Variants in PRDM16 observed in about 807,000 individuals in gnomAD.
PRDM16 encodes PR/SET domain 16, also known as histone-lysine N-methyltransferase PRDM16.
A neutral mutation model predicts 110.6 loss-of-function variants in PRDM16; 23 were observed. The observed-to-expected ratio is 0.21, with a 90% CI of 0.15 to 0.29. The LOEUF is 0.29. PRDM16 is among the 10% of genes least tolerant of loss of function. PRDM16 has a pLI of 1.00. For synonymous variants in PRDM16, 799 were observed against 781.8 expected (o/e 1.02, Z -0.37); for missense variants, 1,615 against 1,794.3 (o/e 0.90, Z 1.81).
intron 3 of PRDM16, among the ~76,000 whole-genome samples, chr1:3,381,757 G>A (rs757321111): frequency 9.2e-5 from 14 of 152,300 alleles, no homozygotes; most frequent in East Asian, 1.9e-4. Context: ...GGTCACTCAC[G>A]CGTCATTTAC....
intron 3 of PRDM16, among the ~76,000 whole-genome samples, chr1:3,355,046 C>G (rs945829719): frequency 6.6e-6 from 1 of 152,184 alleles, no homozygotes; most frequent in African/African-American, 2.4e-5. Context: ...CCCACCGGGA[C>G]AAAGCCAGGA....
Position 3,186,477 on chromosome 1 carries a change from G to A in PRDM16, c.387+3G>A, listed in dbSNP as rs2100798319. The A allele has an allele frequency of 6.7e-7, 1 of 1,497,142 alleles. No homozygotes were observed. The highest frequency in any genetic ancestry group is 9.0e-7 in the Non-Finnish European group (1 of 1,112,840). 92.7% of individuals were successfully genotyped at this position (1,497,142 alleles called of 1,614,324 possible). On this transcript the variant is annotated splice_donor_region_variant and intron_variant, in intron 2 of 16. Coordinates refer to ENST00000270722, the MANE Select transcript of PRDM16 (RefSeq NM_022114.4). ...AGGAGACAGACTTCGGATGGGAGGT[G>A]AGCGATCGCGCCTGAGTATGATTGA...
chr1:3,412,225 G>A lies in PRDM16; in HGVS notation c.2028G>A (p.Pro676=), dbSNP rs374816891. 55 of 1,607,544 alleles carry A rather than the reference G, an allele frequency of 3.4e-5. No homozygotes were observed. The highest frequency in any genetic ancestry group is 1.6e-4 in the African/African-American group (12 of 74,838). The change falls in exon 9 of 17, where the codon CCG becomes CCA. Residue 676 remains proline (P), a synonymous_variant. Transcript: ENST00000270722. Reference sequence around the variant, plus strand: ...TCTATTCCCAGCACTCATTCTTCCCGCCACCCGACGAGCAGCTGCTGACTG... The same window carrying A: ...TCTATTCCCAGCACTCATTCTTCCCACCACCCGACGAGCAGCTGCTGACTG... ...PVFYSQHSFF[P]PPDEQLLTAT... is the part of the protein sequence containing the mutation.
chr1:3,111,727 G>A (rs998934357), intron 1 of PRDM16, among the ~76,000 whole-genome samples: 1 of 152,112 alleles, frequency 6.6e-6, no homozygotes, highest in South Asian at 2.1e-4. Flanking sequence ...TGTCAGCCCC[G>A]CTGTCAGAGG....
Position 3,157,201 on chromosome 1 carries a change from C to CCGG in PRDM16, c.38-28921_38-28919dup, listed in dbSNP as rs1296147341. Reference sequence around the variant, plus strand: ...GGAGGGCCGCTCGGCAACCGCTGAGCCGGCGCAAGAGCTCAGGCCCTCAGG... The same window carrying CCGG: ...GGAGGGCCGCTCGGCAACCGCTGAGCCGGCGGCGCAAGAGCTCAGGCCCTCAGG... On this transcript the variant is annotated intron_variant, in intron 1 of 16. Coordinates refer to ENST00000270722, the MANE Select transcript of PRDM16 (RefSeq NM_022114.4). This position sits in a 1 kb window ranked among gnomAD's most constrained non-coding sequence, Gnocchi z 4.8. Among the ~76,000 whole-genome samples, 1 of 152,136 alleles carries CCGG rather than the reference C, an allele frequency of 6.6e-6. No individual in the cohort carries two copies. Among genetic ancestry groups the CCGG allele is most frequent in the African/African-American group, 2.4e-5 (1 of 41,430 alleles).
At chr1:3,154,673 G>A (rs1643832362) in intron 1 of PRDM16, among the ~76,000 whole-genome samples, 1 of 152,140 alleles carries the variant, frequency 6.6e-6, no homozygotes, top group Admixed American at 6.5e-5. Context: ...CTGCACTGGC[G>A]AGGAGACCTT....
chr1:3,108,705 C>G (rs546671384), intron 1 of PRDM16, among the ~76,000 whole-genome samples: 1 of 152,146 alleles, frequency 6.6e-6, no homozygotes, highest in Non-Finnish European at 1.5e-5. Flanking sequence ...TCAAGAAGGC[C>G]GAGTGGCCCT....
At chr1:3,417,739 T>C in intron 10 of PRDM16, 89 bp from the exon 11 acceptor site, 3 of 1,116,264 alleles carry the variant, frequency 2.7e-6, no homozygotes, top group East Asian at 2.4e-5. Context: ...CCCTAAGATA[T>C]GCTGTTGTAC....
At chr1:3,343,186 C>G (rs1016018737) in intron 3 of PRDM16, among the ~76,000 whole-genome samples, 7 of 149,412 alleles carry the variant, frequency 4.7e-5, no homozygotes, top group African/African-American at 1.7e-4. Context: ...ACATTATAAC[C>G]GTTTGAGTGA....
intron 3 of PRDM16, among the ~76,000 whole-genome samples, chr1:3,311,009 G>T (rs1641445404): frequency 6.6e-6 from 1 of 152,184 alleles, no homozygotes; most frequent in Non-Finnish European, 1.5e-5. Context: ...GTGTGTGTGT[G>T]TGTGAGCGCC....
chr1:3,283,006 T>C (rs1640744300), intron 3 of PRDM16, among the ~76,000 whole-genome samples: 1 of 152,226 alleles, frequency 6.6e-6, no homozygotes, highest in Non-Finnish European at 1.5e-5. Flanking sequence ...GCAGAGTCAA[T>C]GCTGCAGAAG....
In PRDM16 at chr1:3,425,551, T is replaced by G. The variant is rs755298307; in HGVS notation, c.2940-30T>G. On this transcript the variant is annotated intron_variant, in intron 12 of 16. Coordinates refer to ENST00000270722, the MANE Select transcript of PRDM16 (RefSeq NM_022114.4). The surrounding 1 kb of genome is among the most constrained non-coding windows in gnomAD (Gnocchi z 6.9). ...CGGCCTGCCATGCAGAGCCGGGGCC[T>G]GCACTGAGGAGCGCGTGTGCCCCTT... 1.9e-6 allele frequency: 3 copies of G among 1,609,368 alleles called. No individual in the cohort carries two copies. In the Admixed American group the frequency reaches 5.0e-5, roughly 27 times the overall value.
At chr1:3,226,393 G>A (rs571688738) in intron 2 of PRDM16, among the ~76,000 whole-genome samples, 17 of 152,272 alleles carry the variant, frequency 1.1e-4, no homozygotes, top group African/African-American at 2.9e-4. Flanking sequence ...CTGGCACCCC[G>A]GATCCCTCCA....
intron 16 of PRDM16, 145 bp downstream of exon 16, chr1:3,432,285 C>T: frequency 1.6e-6 from 1 of 633,522 alleles, no homozygotes; most frequent in Admixed American, 2.9e-5. Flanking sequence ...TCCAGAGAGG[C>T]CCCAGCGACC....
chr1:3,200,594 G>A (rs111794424), intron 2 of PRDM16, among the ~76,000 whole-genome samples: 108 of 152,264 alleles, frequency 7.1e-4, no homozygotes, highest in African/African-American at 2.6e-3. Flanking sequence ...TGCCCGCCTC[G>A]GCCTCCCGAA....
rs572205989 is a variant in PRDM16, at chr1:3,402,835, T to A, written c.721T>A (p.Ser241Thr). 7.4e-6 allele frequency: 12 copies of A among 1,612,990 alleles called. 1 individual carries two copies. In the South Asian group the frequency reaches 1.3e-4, roughly 18 times the overall value. ...TGACGAGTGTGACGAACTCTTCCAGTCCAAGCTGGACCTGCGGCGCCATAA... is the reference window on the plus strand; with the variant it reads ...TGACGAGTGTGACGAACTCTTCCAGACCAAGCTGGACCTGCGGCGCCATAA... The part of the protein sequence containing the change: ...RCDECDELFQ[S>T]KLDLRRHKKY... The change falls in exon 6 of 17, where the codon TCC becomes ACC. Residue 241 changes from serine to threonine, a missense_variant. Ser to Thr is a moderately conservative substitution (Grantham distance 58). Coordinates refer to ENST00000270722, the MANE Select transcript of PRDM16 (RefSeq NM_022114.4).
At chr1:3,260,922 C>T (rs1640151350) in intron 3 of PRDM16, among the ~76,000 whole-genome samples, 2 of 150,288 alleles carry the variant, frequency 1.3e-5, no homozygotes, top group African/African-American at 4.9e-5. Context: ...GACCAGAAGA[C>T]CCCAGAAGCT....
chr1:3,354,153 C>T (rs758893413), intron 3 of PRDM16, among the ~76,000 whole-genome samples: 20 of 152,274 alleles, frequency 1.3e-4, no homozygotes, highest in South Asian at 4.1e-4. Context: ...GCATTTGAGA[C>T]GCTGCAGATA....
intron 3 of PRDM16, among the ~76,000 whole-genome samples, chr1:3,257,633 C>T: frequency 6.6e-6 from 1 of 152,204 alleles, no homozygotes; most frequent in East Asian, 1.9e-4. Context: ...TAGTGAGTTC[C>T]TTGTGTCTGA....
Sources: allele counts gnomAD v4.1 joint callset (sites outside exome capture counted in the v4.1 genomes callset), GRCh38; gene constraint gnomAD v4.1.1; non-coding constraint Gnocchi (gnomAD v3.1); transcripts MANE v1.5; gene names NCBI Gene and HGNC (gene_info 2026-07-23, HGNC 2026-07-21).